Variants in ADCK2 observed in about 807,000 individuals in gnomAD.
The protein encoded by ADCK2 is aarF domain containing kinase 2, also known as uncharacterized aarF domain-containing protein kinase 2.
ADCK2 carries 37 observed loss-of-function variants against 52.3 expected under a neutral mutation model. That is an observed-to-expected ratio of 0.71 (90% CI 0.54 to 0.93). The LOEUF (loss-of-function observed/expected upper bound fraction) is 0.93, where lower values mean the gene tolerates loss of function less well. ADCK2 is among the 40% of genes least tolerant of loss of function. The pLI is 0.00. For synonymous variants in ADCK2, 321 were observed against 349.2 expected (o/e 0.92, Z 0.90); for missense variants, 695 against 798.7 (o/e 0.87, Z 1.56).
chr7:140,687,046 G>A lies in ADCK2; in HGVS notation c.1362G>A (p.Gln454=). Reference sequence around the variant, plus strand: ...TTCACCCTGGAAACATCCTGGTTCAGGGTGCCAACGGCCTGTCCTCGAGTC... The same window carrying A: ...TTCACCCTGGAAACATCCTGGTTCAAGGTGCCAACGGCCTGTCCTCGAGTC... The part of the protein sequence containing the change: ...ADLHPGNILV[Q]GANGLSSSQE... Residue 454 remains glutamine (Q), a synonymous_variant, in exon 5 of 8, where the codon CAG becomes CAA. Transcript: ENST00000072869. The A allele has an allele frequency of 6.2e-7, 1 of 1,614,128 alleles. No homozygotes were observed. The highest frequency in any genetic ancestry group is 8.5e-7 in the Non-Finnish European group (1 of 1,180,034).
chr7:140,673,423 C>T lies in ADCK2; in HGVS notation c.93C>T (p.Ser31=). The T allele has an allele frequency of 1.2e-6, 2 of 1,601,830 alleles. No individual in the cohort carries two copies. Among genetic ancestry groups the T allele is most frequent in the Non-Finnish European group, 1.7e-6 (2 of 1,174,272 alleles). ...AGGGACTCAGCCTCCTGAGGCCCTC[C>T]GAGTGCCCTCGCGATGCCAGGCTCT... is the stretch of plus-strand genomic sequence containing the variant. ...LRQGLSLLRP[S]ECPRDARLCW... Residue 31 remains serine, a synonymous_variant, in exon 1 of 8, where the codon TCC becomes TCT. Coordinates refer to ENST00000072869, the MANE Select transcript of ADCK2 (RefSeq NM_052853.4). This position sits in a 1 kb window ranked among gnomAD's most constrained non-coding sequence, Gnocchi z 6.4.
rs2130776040 is a variant in ADCK2, at chr7:140,673,259, T to C, written c.-72T>C. 7.6e-7 allele frequency: 1 copy of C among 1,317,482 alleles called. No individual in the cohort carries two copies. 81.6% of individuals were successfully genotyped at this position (1,317,482 alleles called of 1,614,324 possible). Reference sequence around the variant, plus strand: ...GCGGGGTCAGGGCCGGGCTTCGGCTTCACCGCAGCCTCGCCTGAGCGGGCG... The same window carrying C: ...GCGGGGTCAGGGCCGGGCTTCGGCTCCACCGCAGCCTCGCCTGAGCGGGCG... On this transcript the variant is annotated 5_prime_UTR_variant, in exon 1 of 8. Coordinates refer to ENST00000072869, the MANE Select transcript of ADCK2 (RefSeq NM_052853.4). The surrounding 1 kb of genome is among the most constrained non-coding windows in gnomAD (Gnocchi z 6.4).
At chr7:140,689,899 G>C (rs1029035145) in intron 6 of ADCK2, among the ~76,000 whole-genome samples, 174 bp downstream of exon 6, 7 of 152,130 alleles carry the variant, frequency 4.6e-5, no homozygotes, top group Non-Finnish European at 8.8e-5. Context: ...TTGTGCTCAA[G>C]GGGGCCTCCT....
At position 140,674,035 on chromosome 7, in the gene ADCK2, C is replaced by A. The variant is rs2130777725; in HGVS notation, c.705C>A (p.Ala235=). The change falls in exon 1 of 8, where the codon GCC becomes GCA. Residue 235 remains alanine (A), a synonymous_variant. Coordinates refer to ENST00000072869, the MANE Select transcript of ADCK2 (RefSeq NM_052853.4). The surrounding 1 kb of genome is among the most constrained non-coding windows in gnomAD (Gnocchi z 4.6). ...ACAGCGTCCAGAGACTTGGCAGGGCCTCCTGTCTGCCGCCCTTCTCACATA... is the reference window on the plus strand; with the variant it reads ...ACAGCGTCCAGAGACTTGGCAGGGCATCCTGTCTGCCGCCCTTCTCACATA... The part of the protein sequence containing the change: ...ETDSVQRLGR[A]SCLPPFSHTG... 3 of 1,614,148 alleles carry A rather than the reference C, an allele frequency of 1.9e-6. No individual in the cohort carries two copies. In the South Asian group the frequency reaches 3.3e-5, roughly 18 times the overall value.
intron 4 of ADCK2, among the ~76,000 whole-genome samples, chr7:140,682,845 A>T (rs1052207048): frequency 6.9e-6 from 1 of 145,808 alleles, no homozygotes; most frequent in Non-Finnish European, 1.5e-5. Context: ...AAAAAAAAAA[A>T]TACAAAAATT....
At chr7:140,680,546 C>T (rs968438209) in intron 3 of ADCK2, among the ~76,000 whole-genome samples, 2 of 151,926 alleles carry the variant, frequency 1.3e-5, no homozygotes, top group Non-Finnish European at 2.9e-5. Flanking sequence ...CTCTGGTGCC[C>T]ACCCCTATCT....
chr7:140,689,915 G>T (rs561420291), intron 6 of ADCK2, among the ~76,000 whole-genome samples, 190 bp downstream of exon 6: 1 of 152,118 alleles, frequency 6.6e-6, no homozygotes, highest in Admixed American at 6.5e-5. Context: ...CTCCTTGTGC[G>T]GTGCCACTTA....
intron 4 of ADCK2, among the ~76,000 whole-genome samples, chr7:140,682,950 A>T (rs554909301): frequency 5.3e-5 from 8 of 149,818 alleles, no homozygotes; most frequent in Admixed American, 1.3e-4. Context: ...GTAGTGAGCT[A>T]AAATCATGCC....
rs538112104 is a variant in ADCK2, at chr7:140,673,000, C to T, written c.-331C>T. On this transcript the variant is annotated 5_prime_UTR_variant, in exon 1 of 8. Coordinates refer to ENST00000072869, the MANE Select transcript of ADCK2 (RefSeq NM_052853.4). Reference sequence around the variant, plus strand: ...GGCGCACGGTGACCCTGCGGCTGCCCGGCCCCTGCCTCCGCCCGCGCGGCC... The same window carrying T: ...GGCGCACGGTGACCCTGCGGCTGCCTGGCCCCTGCCTCCGCCCGCGCGGCC... Among the ~76,000 whole-genome samples, 268 of 151,260 alleles carry T rather than the reference C, an allele frequency of 1.8e-3. 2 individuals are homozygous for T. Among genetic ancestry groups the T allele is most frequent in the African/African-American group, 6.1e-3 (252 of 41,422 alleles).
intron 7 of ADCK2, among the ~76,000 whole-genome samples, chr7:140,692,614 C>G (rs1466267116): frequency 6.6e-6 from 1 of 152,232 alleles, no homozygotes; most frequent in Non-Finnish European, 1.5e-5. Context: ...CTGCCTTGGC[C>G]TCCCGAAGTG....
intron 5 of ADCK2, 135 bp from the exon 6 acceptor site, chr7:140,689,462 G>GC: frequency 9.1e-7 from 1 of 1,103,054 alleles, no homozygotes; most frequent in Non-Finnish European, 1.3e-6. Flanking sequence ...AAAGGTCACA[G>GC]CCCGAGGAGG....
chr7:140,681,259 A>G, intron 4 of ADCK2, 122 bp downstream of exon 4: 1 of 849,932 alleles, frequency 1.2e-6, no homozygotes, highest in South Asian at 1.5e-5. Flanking sequence ...CCAGGTTGAG[A>G]AAGTCTGGTC....
Position 140,678,452 on chromosome 7 carries a change from G to T in ADCK2, c.1081-703G>T, listed in dbSNP as rs887592836. ...GGAGGCGCCGGCTGAGGGCTTGGTGGCTGTCAAGGGGACACACACGCTCAC... is the reference window on the plus strand; with the variant it reads ...GGAGGCGCCGGCTGAGGGCTTGGTGTCTGTCAAGGGGACACACACGCTCAC... On this transcript the variant is annotated intron_variant, in intron 2 of 7. Coordinates refer to ENST00000072869, the MANE Select transcript of ADCK2 (RefSeq NM_052853.4). The surrounding 1 kb of genome is among the most constrained non-coding windows in gnomAD (Gnocchi z 4.9). Among the ~76,000 whole-genome samples the T allele has an allele frequency of 6.6e-6, 1 of 152,140 alleles. No homozygotes were observed. The highest frequency in any genetic ancestry group is 2.4e-5 in the African/African-American group (1 of 41,432).
intron 3 of ADCK2, among the ~76,000 whole-genome samples, 197 bp downstream of exon 3, chr7:140,679,480 C>T (rs568166977): frequency 9.2e-5 from 14 of 152,080 alleles, no homozygotes; most frequent in African/African-American, 3.1e-4. Flanking sequence ...GTGGCCCGAT[C>T]CCCTAGATTT....
rs1387871792 is a variant in ADCK2 at position 140,678,110 on chromosome 7, C to A, written c.1081-1045C>A. Among the ~76,000 whole-genome samples the A allele has an allele frequency of 2.6e-5, 4 of 152,210 alleles. No individual in the cohort carries two copies. The highest frequency in any genetic ancestry group is 9.6e-5 in the African/African-American group (4 of 41,538). On this transcript the variant is annotated intron_variant, in intron 2 of 7. Transcript: ENST00000072869. The surrounding 1 kb of genome is among the most constrained non-coding windows in gnomAD (Gnocchi z 4.9). ...TGGGTCAAGGAGCACACTCGAGGCA[C>A]CTCTGTTTGTGCTCAGGTGACTGGA...
At chr7:140,685,196 C>G (rs1215609529) in intron 4 of ADCK2, among the ~76,000 whole-genome samples, 1 of 152,104 alleles carries the variant, frequency 6.6e-6, no homozygotes, top group Non-Finnish European at 1.5e-5. Context: ...CTCCTGTAAT[C>G]CCAGCACTTT....
rs1266609641 is a variant in ADCK2, at chr7:140,689,723, A to C, written c.1684A>C (p.Lys562Gln). The change falls in exon 6 of 8, where the codon AAG (lysine) becomes CAG (glutamine). Residue 562 changes from lysine (K) to glutamine (Q), a missense_variant and splice_region_variant. Physicochemically the swap from Lys to Gln is moderately conservative, Grantham distance 53. Coordinates refer to ENST00000072869, the MANE Select transcript of ADCK2 (RefSeq NM_052853.4). ...QARKNTITLE[K>Q]LHVSSLLSSV... ...CAGGAAGAACACCATCACCCTGGAG[A>C]AGGTGGGCAGGTCACTTGCGGAACA... The C allele has an allele frequency of 1.2e-6, 2 of 1,610,384 alleles. No homozygotes were observed. Among genetic ancestry groups the C allele is most frequent in the Non-Finnish European group, 8.5e-7 (1 of 1,177,944 alleles).
intron 2 of ADCK2, 119 bp from the exon 3 acceptor site, chr7:140,679,036 G>A (rs984590078): frequency 2.3e-5 from 31 of 1,344,258 alleles, no homozygotes; most frequent in South Asian, 8.2e-5. Context: ...CAAGTTCTGC[G>A]GGGCAAGCTG....
chr7:140,689,468 G>A (rs1794666552), intron 5 of ADCK2, 129 bp from the exon 6 acceptor site: 3 of 1,168,374 alleles, frequency 2.6e-6, no homozygotes, highest in Admixed American at 2.4e-5. Flanking sequence ...CACAGCCCGA[G>A]GAGGAAGAGC....
Sources: gnomAD v4.1 joint callset for allele counts (sites outside exome capture counted in the v4.1 genomes callset) on GRCh38, gnomAD v4.1.1 for gene constraint, Gnocchi (gnomAD v3.1) non-coding constraint, MANE v1.5 for transcripts, NCBI Gene and HGNC (gene_info 2026-07-23, HGNC 2026-07-21) for gene names.